Variants in MEG3 observed in about 807,000 individuals in gnomAD.
MEG3 encodes the protein Very putative protein from MEG3 locus.
rs111523706 is a variant in MEG3, at chr14:100,858,254, G to A, written n.1010G>A. Reference sequence around the variant, plus strand: ...GAGTGCTCTGGCAGAGAAGTGCAGGGATGAGGAAGGAGGCTGTGCCCTCCA... The same window carrying A: ...GAGTGCTCTGGCAGAGAAGTGCAGGAATGAGGAAGGAGGCTGTGCCCTCCA... On this transcript the variant is annotated non_coding_transcript_exon_variant, in exon 1 of 2. Coordinates refer to the MEG3 transcript ENST00000398460. The A allele has an allele frequency of 6.3e-3, 956 of 152,882 alleles. 5 individuals carry two copies. The highest frequency in any genetic ancestry group is 0.011 in the Non-Finnish European group (722 of 68,098). The allele number at this position is 152,882 out of a possible 1,614,324, so 9.5% of individuals were successfully genotyped here.
intron 3 of MEG3, chr14:100,852,032 T>G: frequency 3.9e-6 from 1 of 256,798 alleles, no homozygotes; most frequent in South Asian, 3.8e-5. Context: ...CCCGGAGCAG[T>G]AGGAGCACAG....
At chr14:100,852,515 G>C, upstream of MEG3, 1 of 487,054 alleles carries the variant, frequency 2.1e-6, no homozygotes, top group South Asian at 1.5e-5. Context: ...GGGGCTCCAG[G>C]CTATGCCTTG....
At chr14:100,846,532 G>A (rs1054013) in intron 3 of MEG3, 39,137 of 152,262 alleles carry the variant, frequency 0.26, 5,943 homozygotes, top group Non-Finnish European at 0.33. Context: ...CAAAGATACT[G>A]TGAATGTTCT....
At position 100,847,492 on chromosome 14, in the gene MEG3, A is replaced by G. The variant is rs578032215; in HGVS notation, n.3121+1959A>G. 9 of 152,372 alleles carry G rather than the reference A, an allele frequency of 5.9e-5. No individual in the cohort carries two copies. The East Asian group carries it at 1.4e-3, about 23-fold the overall frequency. 9.4% of individuals were successfully genotyped at this position (152,372 alleles called of 1,614,324 possible). On this transcript the variant is annotated intron_variant and non_coding_transcript_variant, in intron 3 of 3. Transcript: ENST00000398461. The stretch of plus-strand genomic sequence containing the variant: ...AATGTAACAAATGTTAAGTACAGAA[A>G]TACATTAATGGGTGGTAAATAAAGA...
downstream of MEG3, chr14:100,831,514 C>T (rs1395877850): frequency 3.3e-5 from 5 of 152,680 alleles, no homozygotes; most frequent in African/African-American, 1.2e-4. Context: ...CGCTCTACTC[C>T]GTGGAAGCAC....
intron 2 of MEG3, among the ~76,000 whole-genome samples, chr14:100,842,438 C>A (rs977513220): frequency 6.6e-6 from 1 of 152,078 alleles, no homozygotes; most frequent in Non-Finnish European, 1.5e-5. Flanking sequence ...AAAAGATGTC[C>A]CAATTACCTC....
At chr14:100,844,966 T>A (rs1413198637) in intron 2 of MEG3, among the ~76,000 whole-genome samples, 2 of 152,154 alleles carry the variant, frequency 1.3e-5, no homozygotes, top group Non-Finnish European at 1.5e-5. Flanking sequence ...ACACAACGTG[T>A]GTGCCATGGT....
At chr14:100,857,944 G>A (rs1213454025) in exon 1 of MEG3, 1 of 152,140 alleles carries the variant, frequency 6.6e-6, no homozygotes, top group East Asian at 1.9e-4. Flanking sequence ...TCTGTCTCTG[G>A]TAGAAGGTGC....
exon 1 of MEG3, chr14:100,835,044 G>A (rs903666979): frequency 1.1e-5 from 4 of 348,306 alleles, no homozygotes; most frequent in Non-Finnish European, 2.3e-5. Context: ...CCAGGAGGGC[G>A]GGCCGGGGGG....
chr14:100,830,316 T>C (rs937857985), downstream of MEG3: 1 of 151,264 alleles, frequency 6.6e-6, no homozygotes, highest in African/African-American at 2.4e-5. Flanking sequence ...TAAGTTTCAG[T>C]TTCTTTCATG....
In MEG3 at chr14:100,842,907, C is replaced by T. The variant is rs57547786; in HGVS notation, n.3046-2551C>T. Among the ~76,000 whole-genome samples the T allele has an allele frequency of 7.5e-3, 1,147 of 152,304 alleles. 12 individuals carry two copies. Among genetic ancestry groups the T allele is most frequent in the African/African-American group, 0.026 (1,091 of 41,554 alleles). On this transcript the variant is annotated intron_variant and non_coding_transcript_variant, in intron 2 of 3. Transcript: ENST00000398461. ...TTCCATCAAATGCTTGTGACAATTA[C>T]TCCTCTGGACTCTATAAGGAGGCCT...
exon 1 of MEG3, chr14:100,857,883 G>C (rs1355597518): frequency 1.3e-5 from 2 of 152,152 alleles, no homozygotes; most frequent in East Asian, 3.9e-4. Flanking sequence ...GGCATCCTTG[G>C]GGTACCAACC....
chr14:100,856,017 T>C (rs1446208181), upstream of MEG3: 1 of 152,222 alleles, frequency 6.6e-6, no homozygotes, highest in African/African-American at 2.4e-5. Context: ...GAGCAGGTTT[T>C]CAAGTCATTA....
At chr14:100,843,178 C>T (rs2037809362) in intron 2 of MEG3, among the ~76,000 whole-genome samples, 4 of 152,168 alleles carry the variant, frequency 2.6e-5, no homozygotes, top group African/African-American at 9.7e-5. Context: ...GGAGCAGAAG[C>T]AGGAAAAAAC....
At chr14:100,842,466 G>A (rs1260532024) in intron 2 of MEG3, among the ~76,000 whole-genome samples, 1 of 152,114 alleles carries the variant, frequency 6.6e-6, no homozygotes, top group African/African-American at 2.4e-5. Context: ...TTCATAAATG[G>A]GTCTGTAATG....
chr14:100,856,611 G>C (rs2038248056), upstream of MEG3: 1 of 152,694 alleles, frequency 6.5e-6, no homozygotes, highest in Non-Finnish European at 1.5e-5. Context: ...CACTCAGGCA[G>C]CTGAGTGGGA....
downstream of MEG3, chr14:100,831,645 T>A (rs1173255467): frequency 6.6e-6 from 1 of 152,272 alleles, no homozygotes; most frequent in Non-Finnish European, 1.5e-5. Flanking sequence ...CACTTCTGTG[T>A]CTTTACACTC....
chr14:100,837,941 A>G lies in MEG3; in HGVS notation n.3045+1641A>G, dbSNP rs1322070792. On this transcript the variant is annotated intron_variant and non_coding_transcript_variant, in intron 2 of 3. Coordinates refer to the MEG3 transcript ENST00000398461. This position sits in a 1 kb window ranked among gnomAD's most constrained non-coding sequence, Gnocchi z 5.8. ...GGAGGGGAGTGTGTGCCCAGGGCTA[A>G]ACCCAGGGAGGGGGCCCAGGAAGGC... is the stretch of plus-strand genomic sequence containing the variant. Among the ~76,000 whole-genome samples, 1 of 151,740 alleles carries G rather than the reference A, an allele frequency of 6.6e-6. No homozygotes were observed.
At chr14:100,853,671 G>C (rs373488795), upstream of MEG3, 1 of 151,352 alleles carries the variant, frequency 6.6e-6, no homozygotes. Flanking sequence ...CACTTGCTGC[G>C]TTGTGCCTTG....
Sources: allele counts gnomAD v4.1 joint callset (sites outside exome capture counted in the v4.1 genomes callset), GRCh38; gene constraint gnomAD v4.1.1; non-coding constraint Gnocchi (gnomAD v3.1); transcripts MANE v1.5; gene names NCBI Gene and HGNC (gene_info 2026-07-23, HGNC 2026-07-21).